The following ACOXL variants were observed in gnomAD, a reference collection of about 807,000 sequenced individuals.
ACOXL encodes acyl-CoA oxidase like.
A neutral mutation model predicts 71.9 loss-of-function variants in ACOXL; 70 were observed. The ratio of observed to expected loss-of-function variants is 0.97; its 90% CI spans 0.80 to 1.19. ACOXL has a LOEUF of 1.19. Among genes scored for constraint, ACOXL ranks in the 50% most tolerant of loss-of-function variants. ACOXL has a pLI of 0.00. For missense variants in ACOXL, 703 were observed against 736.3 expected (o/e 0.95, Z 0.52); for synonymous variants, 253 against 281.6 (o/e 0.90, Z 1.02).
chr2:110,962,225 G>A (rs1347102413), intron 12 of ACOXL, among the ~76,000 whole-genome samples: 2 of 152,236 alleles, frequency 1.3e-5, no homozygotes, highest in Non-Finnish European at 2.9e-5. Flanking sequence ...GGGCACTGTA[G>A]AATGAGAAGG....
intron 12 of ACOXL, among the ~76,000 whole-genome samples, chr2:110,984,782 A>G (rs1343390263): frequency 2.6e-5 from 4 of 152,164 alleles, no homozygotes; most frequent in African/African-American, 9.7e-5. Context: ...ATTGGATGAG[A>G]TAGGGAGAAC....
At chr2:110,950,410 A>G (rs1425067355) in intron 12 of ACOXL, among the ~76,000 whole-genome samples, 1 of 152,228 alleles carries the variant, frequency 6.6e-6, no homozygotes, top group Non-Finnish European at 1.5e-5. Flanking sequence ...TTTATTTGGC[A>G]ACATTCCTTT....
At chr2:110,863,204 A>C (rs1329716091) in intron 10 of ACOXL, among the ~76,000 whole-genome samples, 1 of 152,234 alleles carries the variant, frequency 6.6e-6, no homozygotes, top group African/African-American at 2.4e-5. Context: ...AGAATGGGAG[A>C]GGCTTAGCTA....
intron 11 of ACOXL, among the ~76,000 whole-genome samples, chr2:110,933,186 A>G (rs2060539163): frequency 2.0e-5 from 3 of 152,350 alleles, no homozygotes; most frequent in South Asian, 2.1e-4. Flanking sequence ...GTAACTATCA[A>G]TAAACATAGA....
intron 2 of ACOXL, among the ~76,000 whole-genome samples, chr2:110,783,248 A>C (rs1683560396): frequency 6.6e-6 from 1 of 152,160 alleles, no homozygotes; most frequent in Non-Finnish European, 1.5e-5. Flanking sequence ...AACAAAGGAC[A>C]CTTAGGCCCT....
rs139391950 is a variant in ACOXL, at chr2:110,927,160, G to A, written c.906-6329G>A. Among the ~76,000 whole-genome samples, 486 of 152,280 alleles carry A rather than the reference G, an allele frequency of 3.2e-3. 4 individuals carry two copies. Among genetic ancestry groups the A allele is most frequent in the African/African-American group, 0.011 (466 of 41,558 alleles). ...GGAGAGAGAAGGAGCAAAGCGGGAA[G>A]TGCCACACACTTTCAACCAACCAGA... On this transcript the variant is annotated intron_variant, in intron 11 of 17. Coordinates refer to ENST00000439055, the MANE Select transcript of ACOXL (RefSeq NM_001142807.4).
chr2:110,968,799 G>GA, intron 12 of ACOXL: 1 of 338,438 alleles, frequency 3.0e-6, no homozygotes, highest in Non-Finnish European at 5.2e-6. Flanking sequence ...AAAAAGAACT[G>GA]AAAAACATAA....
At chr2:110,818,451 G>GTGTGTGTGTGTGTA (rs1373497384) in intron 9 of ACOXL, among the ~76,000 whole-genome samples, 41 of 135,820 alleles carry the variant, frequency 3.0e-4, no homozygotes, top group African/African-American at 1.1e-3. Flanking sequence ...GTGTGTGTGT[G>GTGTGTGTGTGTGTA]TATATATATA....
intron 3 of ACOXL, among the ~76,000 whole-genome samples, chr2:110,786,168 C>A (rs1213041381): frequency 1.3e-5 from 2 of 152,144 alleles, no homozygotes; most frequent in Non-Finnish European, 2.9e-5. Flanking sequence ...TCCTCATATC[C>A]AAACACCCAG....
At chr2:111,091,602 G>A (rs903115456) in intron 16 of ACOXL, among the ~76,000 whole-genome samples, 1 of 152,236 alleles carries the variant, frequency 6.6e-6, no homozygotes, top group Non-Finnish European at 1.5e-5. Context: ...AGTATGAATT[G>A]CAGTTCATAG....
At chr2:110,925,675 A>C (rs1369299965) in intron 11 of ACOXL, among the ~76,000 whole-genome samples, 1 of 152,182 alleles carries the variant, frequency 6.6e-6, no homozygotes, top group African/African-American at 2.4e-5. Context: ...TCTCCATATC[A>C]GCAAAAGTCT....
chr2:110,850,255 A>G (rs6732565), intron 10 of ACOXL, among the ~76,000 whole-genome samples: 58,456 of 152,086 alleles, frequency 0.38, 11,514 homozygotes, highest in South Asian at 0.57. Flanking sequence ...AAAGTTGGCA[A>G]AAATGGATTT....
At chr2:110,951,336 C>T (rs949654573) in intron 12 of ACOXL, among the ~76,000 whole-genome samples, 8 of 152,178 alleles carry the variant, frequency 5.3e-5, no homozygotes, top group African/African-American at 1.4e-4. Flanking sequence ...TTAATTCTAA[C>T]GATCTGTTTG....
In ACOXL at chr2:111,049,264, A is replaced by G; in HGVS notation, c.1416A>G (p.Gln472=). The change falls in exon 16 of 18, where the codon CAA becomes CAG. Residue 472 remains glutamine (Q), a synonymous_variant. Transcript: ENST00000439055. ...FSLAVKSCPD[Q]EDQTLLMKFC... ...TAGCAGTGAAGAGCTGTCCTGACCA[A>G]GAGGACCAGACTTTGTTAATGAAGG... 1.2e-6 allele frequency: 2 copies of G among 1,612,204 alleles called. No individual in the cohort carries two copies. The highest frequency in any genetic ancestry group is 1.7e-6 in the Non-Finnish European group (2 of 1,178,236).
At chr2:110,751,127 T>G (rs1678897035) in intron 1 of ACOXL, among the ~76,000 whole-genome samples, 1 of 151,762 alleles carries the variant, frequency 6.6e-6, no homozygotes, top group Non-Finnish European at 1.5e-5. Flanking sequence ...TGAAACCCCA[T>G]CTCTACTAAA....
chr2:110,957,994 G>A (rs1360470407), intron 12 of ACOXL, among the ~76,000 whole-genome samples: 1 of 149,394 alleles, frequency 6.7e-6, no homozygotes, highest in Non-Finnish European at 1.5e-5. Context: ...AGATTGCAGT[G>A]AGGCAAGATC....
chr2:110,911,470 C>A (rs1404334516), intron 11 of ACOXL, among the ~76,000 whole-genome samples: 1 of 151,926 alleles, frequency 6.6e-6, no homozygotes, highest in African/African-American at 2.4e-5. Context: ...AAACCCTTAA[C>A]AAAATACTAG....
chr2:110,992,590 G>A (rs562436916), intron 13 of ACOXL, among the ~76,000 whole-genome samples: 6 of 152,294 alleles, frequency 3.9e-5, no homozygotes, highest in African/African-American at 1.4e-4. Flanking sequence ...CCCTCATTTC[G>A]GCCTGGAAGG....
intron 3 of ACOXL, among the ~76,000 whole-genome samples, chr2:110,792,877 C>T (rs1223635517): frequency 6.6e-6 from 1 of 152,198 alleles, no homozygotes; most frequent in Non-Finnish European, 1.5e-5. Context: ...TCCTCATGGT[C>T]ACTATATGAA....
Sources: allele counts gnomAD v4.1 joint callset (sites outside exome capture counted in the v4.1 genomes callset), GRCh38; gene constraint gnomAD v4.1.1; transcripts MANE v1.5; gene names NCBI Gene and HGNC (gene_info 2026-07-23, HGNC 2026-07-21).